KLHL18: variants seen among roughly 807,000 people sequenced by gnomAD.
KLHL18 encodes the protein kelch like family member 18.
KLHL18 carries 38 observed loss-of-function variants against 58.5 expected under a neutral mutation model. The ratio of observed to expected loss-of-function variants is 0.65; its 90% CI spans 0.50 to 0.85. The LOEUF is 0.85. Ranked by LOEUF, KLHL18 falls within the 40% of genes least tolerant of loss-of-function variation. The pLI is 0.00. For missense variants in KLHL18, 624 were observed against 778.4 expected (o/e 0.80, Z 2.36); for synonymous variants, 303 against 301.9 (o/e 1.00, Z -0.04).
intron 1 of KLHL18, among the ~76,000 whole-genome samples, chr3:47,311,835 T>C (rs1437595329): frequency 6.6e-6 from 1 of 152,102 alleles, no homozygotes; most frequent in African/African-American, 2.4e-5. Flanking sequence ...TGTTGACAGG[T>C]GTTAAAGTTT....
intron 1 of KLHL18, among the ~76,000 whole-genome samples, chr3:47,316,292 TAG>T (rs1703420277): frequency 6.6e-6 from 1 of 151,690 alleles, no homozygotes; most frequent in African/African-American, 2.4e-5. Context: ...GTTACATACT[TAG>T]AGTTAGGATT....
chr3:47,285,899 AG>A (rs1348703612), intron 1 of KLHL18, among the ~76,000 whole-genome samples: 3 of 152,102 alleles, frequency 2.0e-5, no homozygotes, highest in African/African-American at 7.2e-5. Flanking sequence ...AATTAGCTGT[AG>A]TGGTGTGTAC....
At chr3:47,319,555 C>T (rs2107628198) in intron 1 of KLHL18, 98 bp from the exon 2 acceptor site, 3 of 1,346,524 alleles carry the variant, frequency 2.2e-6, no homozygotes, top group Non-Finnish European at 3.1e-6. Context: ...GTGGGGTATG[C>T]TGTGGAGCCG....
At chr3:47,289,783 A>G (rs1013297599) in intron 1 of KLHL18, among the ~76,000 whole-genome samples, 29 of 152,308 alleles carry the variant, frequency 1.9e-4, no homozygotes, top group Admixed American at 7.8e-4. Context: ...CTCTGTCTCA[A>G]AAAAAGAAAA....
intron 6 of KLHL18, 41 bp from the exon 7 acceptor site, chr3:47,336,494 G>C (rs770243209): frequency 6.5e-7 from 1 of 1,546,470 alleles, no homozygotes; most frequent in South Asian, 1.1e-5. Context: ...CTAAACAAGT[G>C]GTCTCATTTG....
chr3:47,311,641 G>A (rs1703302884), intron 1 of KLHL18, among the ~76,000 whole-genome samples: 1 of 152,112 alleles, frequency 6.6e-6, no homozygotes, highest in Non-Finnish European at 1.5e-5. Context: ...GCAGTGAGCC[G>A]AGATTGCGCC....
chr3:47,333,185 G>T lies in KLHL18; in HGVS notation c.629G>T (p.Arg210Ile), dbSNP rs1401658438. 1 of 1,614,064 alleles carries T rather than the reference G, an allele frequency of 6.2e-7. No homozygotes were observed. The highest frequency in any genetic ancestry group is 2.2e-5 in the East Asian group (1 of 44,876). ...QVFEAALAWV[R>I]YDREQRGPYL... Reference sequence around the variant, plus strand: ...TTTGAAGCTGCATTGGCCTGGGTCAGATACGACCGGGAGCAGAGGGGTCCC... The same window carrying T: ...TTTGAAGCTGCATTGGCCTGGGTCATATACGACCGGGAGCAGAGGGGTCCC... The change falls in exon 5 of 10, where the codon AGA becomes ATA. Residue 210 changes from arginine to isoleucine, a missense_variant. Physicochemically the swap from Arg to Ile is moderately conservative, Grantham distance 97. Coordinates refer to ENST00000232766, the MANE Select transcript of KLHL18 (RefSeq NM_025010.5).
chr3:47,330,216 T>C (rs1436567977), intron 4 of KLHL18, 67 bp downstream of exon 4: 7 of 1,423,544 alleles, frequency 4.9e-6, no homozygotes, highest in Non-Finnish European at 5.9e-6. Context: ...CATTGTTTTG[T>C]TTATGTATTT....
At chr3:47,297,454 G>C (rs972419619) in intron 1 of KLHL18, 1 of 419,624 alleles carries the variant, frequency 2.4e-6, no homozygotes. Context: ...TAGCTAGTGT[G>C]GTCTGTTTAT....
chr3:47,321,361 T>G (rs7636843), intron 2 of KLHL18, among the ~76,000 whole-genome samples: 19,751 of 151,210 alleles, frequency 0.13, 1,699 homozygotes, highest in East Asian at 0.29. Context: ...GTTTTTTTTT[T>G]TTTGAGATGG....
At chr3:47,315,425 G>A (rs916964151) in intron 1 of KLHL18, among the ~76,000 whole-genome samples, 1 of 152,132 alleles carries the variant, frequency 6.6e-6, no homozygotes, top group African/African-American at 2.4e-5. Flanking sequence ...GGTGCAATAT[G>A]GAACAAAACT....
rs773213067 is a variant in KLHL18, at chr3:47,319,799, A to G, written c.260+16A>G. On this transcript the variant is annotated intron_variant, in intron 2 of 9. Coordinates refer to ENST00000232766, the MANE Select transcript of KLHL18 (RefSeq NM_025010.5). The stretch of plus-strand genomic sequence containing the variant: ...TGGACCCAAGGTACTGAATCCCACC[A>G]TTAGGTTTCGCAGGCTGCTTTCCAA... 3 of 1,611,766 alleles carry G rather than the reference A, an allele frequency of 1.9e-6. No individual in the cohort carries two copies. Among genetic ancestry groups the G allele is most frequent in the East Asian group, 2.2e-5 (1 of 44,802 alleles).
chr3:47,315,795 A>ATCT (rs1390026395), intron 1 of KLHL18, among the ~76,000 whole-genome samples: 6 of 152,238 alleles, frequency 3.9e-5, no homozygotes, highest in African/African-American at 7.2e-5. Context: ...CAGAGAGATA[A>ATCT]AGAAGAAAAA....
intron 7 of KLHL18, among the ~76,000 whole-genome samples, chr3:47,339,710 G>A (rs1704066143): frequency 6.6e-6 from 1 of 152,028 alleles, no homozygotes; most frequent in Non-Finnish European, 1.5e-5. Flanking sequence ...TCACTGTGAG[G>A]GTCACACAGG....
rs994549495 is a variant in KLHL18 at position 47,329,979 on chromosome 3, C to T, written c.430C>T (p.Arg144Cys). 21 of 1,613,904 alleles carry T rather than the reference C, an allele frequency of 1.3e-5. No homozygotes were observed. Among genetic ancestry groups the T allele is most frequent in the South Asian group, 6.6e-5 (6 of 91,082 alleles). The change falls in exon 4 of 10, where the codon CGC (arginine) becomes TGC (cysteine). Residue 144 changes from arginine to cysteine, a missense_variant. Arg to Cys is a radical substitution (Grantham distance 180). Transcript: ENST00000232766. ...TCACCCAAAAAACTGCCTGGGTGTG[C>T]GCCAGTTTGCTGAGACAATGATGTG... is the stretch of plus-strand genomic sequence containing the variant. ...RLHPKNCLGV[R>C]QFAETMMCAV...
chr3:47,320,637 G>C (rs1402133660), intron 2 of KLHL18, among the ~76,000 whole-genome samples: 1 of 152,190 alleles, frequency 6.6e-6, no homozygotes, highest in Non-Finnish European at 1.5e-5. Context: ...CTCAGGTCAG[G>C]CCAGGCAAGG....
intron 5 of KLHL18, 44 bp downstream of exon 5, chr3:47,333,361 G>C: frequency 6.3e-7 from 1 of 1,581,734 alleles, no homozygotes; most frequent in Non-Finnish European, 8.6e-7. Flanking sequence ...AAAGGTCTAA[G>C]CAGGGAAGAG....
At chr3:47,335,127 A>G (rs1367661407) in intron 6 of KLHL18, among the ~76,000 whole-genome samples, 2 of 152,234 alleles carry the variant, frequency 1.3e-5, no homozygotes, top group Non-Finnish European at 2.9e-5. Flanking sequence ...AGCAAGGACT[A>G]GAACTTGGGT....
chr3:47,307,104 C>T (rs1029994752), intron 1 of KLHL18, among the ~76,000 whole-genome samples: 1 of 151,754 alleles, frequency 6.6e-6, no homozygotes, highest in African/African-American at 2.4e-5. Flanking sequence ...TGGAGTCTTG[C>T]TCCGTCACCC....
Sources: gnomAD v4.1 joint callset for allele counts (sites outside exome capture counted in the v4.1 genomes callset) on GRCh38, gnomAD v4.1.1 for gene constraint, MANE v1.5 for transcripts, NCBI Gene and HGNC (gene_info 2026-07-23, HGNC 2026-07-21) for gene names.